Variants in ATP2B4 observed in about 807,000 individuals in gnomAD.
The protein encoded by ATP2B4 is ATPase plasma membrane Ca2+ transporting 4, also known as plasma membrane calcium-transporting ATPase 4.
ATP2B4 carries 39 observed loss-of-function variants against 110.3 expected under a neutral mutation model. That is an observed-to-expected ratio of 0.35 (90% CI 0.27 to 0.46). ATP2B4 has a LOEUF of 0.46. ATP2B4 is among the 20% of genes least tolerant of loss of function. The pLI is 1.00. For missense variants in ATP2B4, 1,135 were observed against 1,530.9 expected, an observed-to-expected ratio of 0.74 and a Z score of 4.32; for synonymous variants, 538 against 571.7, an observed-to-expected ratio of 0.94 and a Z score of 0.84.
chr1:203,702,522 A>T (rs1665725787), intron 7 of ATP2B4, among the ~76,000 whole-genome samples: 2 of 151,854 alleles, frequency 1.3e-5, no homozygotes, highest in Admixed American at 1.3e-4. Flanking sequence ...TCTGGTCTGG[A>T]TCCCTTCTCT....
intron 2 of ATP2B4, among the ~76,000 whole-genome samples, chr1:203,697,242 C>G (rs899653019): frequency 6.6e-6 from 1 of 152,172 alleles, no homozygotes; most frequent in African/African-American, 2.4e-5. Flanking sequence ...AAAGACTCTG[C>G]CCTGATGCTC....
chr1:203,653,260 G>A (rs930766220), intron 1 of ATP2B4, among the ~76,000 whole-genome samples: 2 of 152,234 alleles, frequency 1.3e-5, no homozygotes, highest in African/African-American at 4.8e-5. Flanking sequence ...AAGGTTGACA[G>A]AGGGGAGGAA....
chr1:203,698,923 C>A (rs1467428766), intron 3 of ATP2B4, among the ~76,000 whole-genome samples: 1 of 152,142 alleles, frequency 6.6e-6, no homozygotes, highest in East Asian at 1.9e-4. Flanking sequence ...AGGCGTGACC[C>A]ACTTGCCTGG....
Position 203,743,970 on chromosome 1 carries a change from AAGAAG to A in ATP2B4, c.*4119_*4123del, listed in dbSNP as rs1667041150. ...TGTGTTGTTCCACTGAGACCAGAAGAAGAAGAGGAGTTTTAAAAGGGATAATTTGT... is the reference window on the plus strand; with the variant it reads ...TGTGTTGTTCCACTGAGACCAGAAGAAGGAGTTTTAAAAGGGATAATTTGT... On this transcript the variant is annotated 3_prime_UTR_variant, in exon 21 of 21. Coordinates refer to ENST00000357681, the MANE Select transcript of ATP2B4 (RefSeq NM_001684.5). 6.6e-6 allele frequency: 1 copy of A among 152,666 alleles called. No homozygotes were observed. The highest frequency in any genetic ancestry group is 2.4e-5 in the African/African-American group (1 of 41,462). 9.5% of individuals were successfully genotyped at this position (152,666 alleles called of 1,614,324 possible). A position where few individuals can be genotyped will look rare whatever the true frequency, so the allele number is the denominator to read the frequency against.
intron 1 of ATP2B4, among the ~76,000 whole-genome samples, chr1:203,671,236 GC>G (rs1238351716): frequency 6.6e-6 from 1 of 152,182 alleles, no homozygotes; most frequent in Non-Finnish European, 1.5e-5. Flanking sequence ...CACGCTTTCA[GC>G]TCAGTTGTGT....
intron 7 of ATP2B4, 41 bp downstream of exon 7, chr1:203,702,120 A>G (rs765241962): frequency 6.2e-7 from 1 of 1,610,606 alleles, no homozygotes; most frequent in Admixed American, 1.7e-5. Flanking sequence ...CTACCTGCCC[A>G]CACTCAAACC....
chr1:203,682,912 T>C lies in ATP2B4; in HGVS notation c.-294T>C, dbSNP rs1541253. 0.85 allele frequency: 250,204 copies of C among 294,438 alleles called. 107,604 individuals are homozygous for C. The highest frequency in any genetic ancestry group is 1 in the East Asian group (14,090 of 14,098). 18.2% of individuals were successfully genotyped at this position (294,438 alleles called of 1,614,324 possible). A position where few individuals can be genotyped will look rare whatever the true frequency, so the allele number is the denominator to read the frequency against. On this transcript the variant is annotated 5_prime_UTR_variant, in exon 2 of 21. Transcript: ENST00000357681. ...TAGGAACCTACCTACCCTGGACAAC[T>C]ACTATCATCACCACCTGGGGACACC...
intron 1 of ATP2B4, among the ~76,000 whole-genome samples, chr1:203,645,781 G>C (rs1558013429): frequency 6.6e-6 from 1 of 151,896 alleles, no homozygotes; most frequent in South Asian, 2.1e-4. Flanking sequence ...AGTAGAGACA[G>C]GGTTCCACCA....
At chr1:203,633,055 T>C (rs1663324201) in intron 1 of ATP2B4, among the ~76,000 whole-genome samples, 1 of 152,160 alleles carries the variant, frequency 6.6e-6, no homozygotes, top group African/African-American at 2.4e-5. Flanking sequence ...AAATGACTAA[T>C]TTCAAGTCTG....
chr1:203,629,271 G>A lies in ATP2B4; in HGVS notation c.-465+2052G>A, dbSNP rs1266546856. ...CAGAATTAATGCCCGTGTTCTGGAGGGAGGGGATCCATTTCTATACTCCTC... is the reference window on the plus strand; with the variant it reads ...CAGAATTAATGCCCGTGTTCTGGAGAGAGGGGATCCATTTCTATACTCCTC... On this transcript the variant is annotated intron_variant, in intron 1 of 20. Coordinates refer to ENST00000357681, the MANE Select transcript of ATP2B4 (RefSeq NM_001684.5). This position sits in a 1 kb window ranked among gnomAD's most constrained non-coding sequence, Gnocchi z 4.6. Among the ~76,000 whole-genome samples, 3 of 152,164 alleles carry A rather than the reference G, an allele frequency of 2.0e-5. No individual in the cohort carries two copies. The highest frequency in any genetic ancestry group is 2.9e-5 in the Non-Finnish European group (2 of 68,022).
At chr1:203,736,590 G>A (rs1181827746) in intron 20 of ATP2B4, among the ~76,000 whole-genome samples, 1 of 152,128 alleles carries the variant, frequency 6.6e-6, no homozygotes, top group Non-Finnish European at 1.5e-5. Flanking sequence ...CATGAAAAGA[G>A]TTGCCCTTCA....
At chr1:203,661,545 C>A (rs1185832899) in intron 1 of ATP2B4, among the ~76,000 whole-genome samples, 1 of 152,166 alleles carries the variant, frequency 6.6e-6, no homozygotes, top group Non-Finnish European at 1.5e-5. Context: ...GATGGGGTGA[C>A]TTTGGGAGAG....
chr1:203,715,022 C>T (rs1024933228), intron 15 of ATP2B4, among the ~76,000 whole-genome samples: 1 of 152,098 alleles, frequency 6.6e-6, no homozygotes, highest in Non-Finnish European at 1.5e-5. Flanking sequence ...AACACATGGC[C>T]AATCTTGTTT....
chr1:203,681,483 C>T (rs893963589), intron 1 of ATP2B4, among the ~76,000 whole-genome samples: 1 of 152,146 alleles, frequency 6.6e-6, no homozygotes, highest in Non-Finnish European at 1.5e-5. Flanking sequence ...TCAGTGGGGA[C>T]TACGTAACCG....
intron 1 of ATP2B4, among the ~76,000 whole-genome samples, chr1:203,666,692 T>C (rs1167200562): frequency 2.0e-5 from 3 of 152,178 alleles, no homozygotes; most frequent in Non-Finnish European, 4.4e-5. Flanking sequence ...AAAATTGAAC[T>C]CTCAAGACTG....
rs79440206 is a variant in ATP2B4 at position 203,694,964 on chromosome 1, A to G, written c.194-3193A>G. ...AGATGGGGGCTGGGCATCAAAGATG[A>G]TTACAGGGTATTAGCATGAGAGCAG... is the stretch of plus-strand genomic sequence containing the variant. On this transcript the variant is annotated intron_variant, in intron 2 of 20. Coordinates refer to ENST00000357681, the MANE Select transcript of ATP2B4 (RefSeq NM_001684.5). Among the ~76,000 whole-genome samples, 106 of 152,284 alleles carry G rather than the reference A, an allele frequency of 7.0e-4. 1 individual carries two copies. The highest frequency in any genetic ancestry group is 1.1e-3 in the Non-Finnish European group (78 of 68,018).
chr1:203,676,605 G>A (rs935028071), intron 1 of ATP2B4, among the ~76,000 whole-genome samples: 3 of 152,180 alleles, frequency 2.0e-5, no homozygotes, highest in East Asian at 3.8e-4. Flanking sequence ...TGGTGCACAG[G>A]AAACAGCCCT....
chr1:203,661,902 C>T (rs1321560062), intron 1 of ATP2B4, among the ~76,000 whole-genome samples: 1 of 152,200 alleles, frequency 6.6e-6, no homozygotes, highest in East Asian at 1.9e-4. Flanking sequence ...TAGCTCTGCT[C>T]TTCCCTTCTC....
At chr1:203,653,504 G>C (rs1664059396) in intron 1 of ATP2B4, among the ~76,000 whole-genome samples, 1 of 152,214 alleles carries the variant, frequency 6.6e-6, no homozygotes, top group Non-Finnish European at 1.5e-5. Context: ...TTCATAGCTA[G>C]AAAGGAGAAG....
Sources: allele counts gnomAD v4.1 joint callset (sites outside exome capture counted in the v4.1 genomes callset), GRCh38; gene constraint gnomAD v4.1.1; non-coding constraint Gnocchi (gnomAD v3.1); transcripts MANE v1.5; gene names NCBI Gene and HGNC (gene_info 2026-07-23, HGNC 2026-07-21).